Variants in KIF1A observed in about 807,000 individuals in gnomAD.
KIF1A encodes the protein kinesin-like protein KIF1A.
Under a neutral mutation model 227.3 loss-of-function variants are expected in KIF1A, and 46 were observed. The ratio of observed to expected loss-of-function variants is 0.20; its 90% CI spans 0.16 to 0.26. The LOEUF (loss-of-function observed/expected upper bound fraction) is 0.26. Ranked by LOEUF, KIF1A falls within the 10% of genes least tolerant of loss-of-function variation. The probability of loss-of-function intolerance (pLI) is 1.00; values close to 1 mark genes in which losing one functional copy is unlikely to be tolerated. For synonymous variants in KIF1A, 1,022 were observed against 1,012.8 expected (o/e 1.01, Z -0.17); for missense variants, 1,683 against 2,485.9 (o/e 0.68, Z 6.87).
chr2:240,772,912 A>G (rs1004915192), intron 13 of KIF1A, among the ~76,000 whole-genome samples: 1 of 152,088 alleles, frequency 6.6e-6, no homozygotes, highest in African/African-American at 2.4e-5. Context: ...CCGGCCTCCC[A>G]CCCAGAGGCA....
chr2:240,718,859 C>G (rs1252901701), intron 47 of KIF1A, 147 bp downstream of exon 47: 3 of 642,180 alleles, frequency 4.7e-6, no homozygotes, highest in Non-Finnish European at 7.9e-6. Context: ...GAGGCTGAGT[C>G]CCTGAGCCCA....
intron 45 of KIF1A, 171 bp from the exon 46 acceptor site, chr2:240,720,097 G>T: frequency 1.8e-6 from 1 of 550,436 alleles, no homozygotes; most frequent in Non-Finnish European, 2.9e-6. Context: ...CACCAGGATA[G>T]CCAAGCTTGT....
Position 240,725,559 on chromosome 2 carries a change from GTC to G in KIF1A, c.4123-157_4123-156del. 1 of 752,296 alleles carries G rather than the reference GTC, an allele frequency of 1.3e-6. No homozygotes were observed. Among genetic ancestry groups the G allele is most frequent in the Non-Finnish European group, 2.1e-6 (1 of 476,702 alleles). The allele number at this position is 752,296 out of a possible 1,614,324, so 46.6% of individuals were successfully genotyped here. On this transcript the variant is annotated intron_variant, in intron 39 of 48. Transcript: ENST00000498729. The surrounding 1 kb of genome is among the most constrained non-coding windows in gnomAD (Gnocchi z 5.8). ...GTGGCCTGGACGCAGGCAGGAGAAA[GTC>G]TCTGCTCCTGCCCTCGAGAAAACCC...
chr2:240,811,128 G>A (rs1298778463), intron 1 of KIF1A, among the ~76,000 whole-genome samples: 4 of 152,206 alleles, frequency 2.6e-5, no homozygotes, highest in South Asian at 2.1e-4. Flanking sequence ...TTGGGAGGCC[G>A]AGGTGGGCAG....
intron 34 of KIF1A, among the ~76,000 whole-genome samples, chr2:240,742,648 A>G (rs1559492857): frequency 6.6e-6 from 1 of 151,970 alleles, no homozygotes; most frequent in Non-Finnish European, 1.5e-5. Flanking sequence ...CGTTCAGCTG[A>G]GATGCCTGAA....
rs1486875090 is a variant in KIF1A at position 240,766,280 on chromosome 2, C to T, written c.1685-487G>A. ...AGGCCAGAGGCTGGCTGGATGCTGC[C>T]GGGAGATGCCCTTAGCCTGGGCTGT... is the stretch of plus-strand genomic sequence containing the variant. On this transcript the variant is annotated intron_variant, in intron 19 of 48. Coordinates refer to ENST00000498729, the MANE Select transcript of KIF1A (RefSeq NM_001244008.2). The surrounding 1 kb of genome is among the most constrained non-coding windows in gnomAD (Gnocchi z 5.0). 6.6e-6 allele frequency among the ~76,000 whole-genome samples: 1 copy of T among 152,226 alleles called. No homozygotes were observed.
intron 2 of KIF1A, among the ~76,000 whole-genome samples, chr2:240,794,838 T>C (rs1197908635): frequency 2.6e-5 from 4 of 152,282 alleles, no homozygotes; most frequent in African/African-American, 9.6e-5. Flanking sequence ...GCTTTCTTGG[T>C]GCGTCTTCGG....
chr2:240,791,400 C>T (rs1233115756), intron 2 of KIF1A, among the ~76,000 whole-genome samples: 1 of 151,750 alleles, frequency 6.6e-6, no homozygotes, highest in Non-Finnish European at 1.5e-5. Flanking sequence ...CTCACTCCGC[C>T]GCACTCTGGC....
intron 27 of KIF1A, among the ~76,000 whole-genome samples, chr2:240,755,447 G>T (rs745990684): frequency 1.4e-4 from 21 of 152,178 alleles, no homozygotes; most frequent in Non-Finnish European, 2.5e-4. Context: ...ACAAGAGTGG[G>T]TGCCCCAATT....
chr2:240,765,838 T>A, intron 19 of KIF1A, 45 bp from the exon 20 acceptor site: 1 of 1,458,640 alleles, frequency 6.9e-7, no homozygotes. Context: ...TATGAGGGGC[T>A]GTCACCTACA....
In KIF1A at chr2:240,787,231, C is replaced by G. The variant is rs373887823; in HGVS notation, c.429+20G>C. 6.2e-7 allele frequency: 1 copy of G among 1,605,222 alleles called. No individual in the cohort carries two copies. The highest frequency in any genetic ancestry group is 2.2e-5 in the East Asian group (1 of 44,812). The stretch of plus-strand genomic sequence containing the variant: ...TTCCCAGCCCTGCCCCAGCGGCCAA[C>G]GGCAGGCGGGGAGCCCTACCTCCAC... On this transcript the variant is annotated intron_variant, in intron 5 of 48. Transcript: ENST00000498729.
chr2:240,819,319 G>T (rs972097280), intron 1 of KIF1A, among the ~76,000 whole-genome samples: 1 of 152,184 alleles, frequency 6.6e-6, no homozygotes, highest in Non-Finnish European at 1.5e-5. Flanking sequence ...CTGCGGCCCC[G>T]CAGCCCCTCC....
At chr2:240,783,170 G>A in intron 8 of KIF1A, 61 bp from the exon 9 acceptor site, 1 of 1,302,592 alleles carries the variant, frequency 7.7e-7, no homozygotes, top group Non-Finnish European at 1.1e-6. Flanking sequence ...TCCTGCTCTG[G>A]AGGGATGCCC....
At chr2:240,786,658 G>GA in intron 5 of KIF1A, 145 bp from the exon 6 acceptor site, 1 of 668,894 alleles carries the variant, frequency 1.5e-6, no homozygotes, top group African/African-American at 1.9e-5. Flanking sequence ...CCCTGAGTGA[G>GA]GGGGTGGGGG....
chr2:240,799,448 T>C (rs971867112), intron 1 of KIF1A, among the ~76,000 whole-genome samples: 1 of 152,144 alleles, frequency 6.6e-6, no homozygotes, highest in African/African-American at 2.4e-5. Flanking sequence ...TATGGCTAAG[T>C]GGGGACAAGT....
In KIF1A at chr2:240,717,255, C is replaced by G. The variant is rs562109203; in HGVS notation, c.*109G>C. 9.0e-7 allele frequency: 1 copy of G among 1,107,762 alleles called. No homozygotes were observed. Among genetic ancestry groups the G allele is most frequent in the Non-Finnish European group, 1.3e-6 (1 of 750,206 alleles). 68.6% of individuals were successfully genotyped at this position (1,107,762 alleles called of 1,614,324 possible). On this transcript the variant is annotated 3_prime_UTR_variant, in exon 49 of 49. Transcript: ENST00000498729. ...ATGGGCGTCCCCTGGGGGGTCGACC[C>G]GGTCGTGGGCTGTCTGGCAGGAGAG...
chr2:240,785,868 T>A (rs1353040436), intron 6 of KIF1A, among the ~76,000 whole-genome samples: 1 of 152,080 alleles, frequency 6.6e-6, no homozygotes, highest in African/African-American at 2.4e-5. Context: ...AGGGAGTCTG[T>A]TGCCATGACA....
intron 33 of KIF1A, 105 bp from the exon 34 acceptor site, chr2:240,743,089 C>T (rs1368834200): frequency 1.0e-5 from 9 of 865,324 alleles, no homozygotes; most frequent in African/African-American, 1.7e-5. Context: ...CGGCCCCTCC[C>T]ACCCTCTCTT....
intron 1 of KIF1A, among the ~76,000 whole-genome samples, chr2:240,808,287 G>C (rs1415297494): frequency 6.6e-6 from 1 of 152,244 alleles, no homozygotes; most frequent in South Asian, 2.1e-4. Context: ...AATTAGGAAG[G>C]TTCAATAAGG....
Sources: gnomAD v4.1 joint callset for allele counts (sites outside exome capture counted in the v4.1 genomes callset) on GRCh38, gnomAD v4.1.1 for gene constraint, Gnocchi (gnomAD v3.1) non-coding constraint, MANE v1.5 for transcripts, NCBI Gene and HGNC (gene_info 2026-07-23, HGNC 2026-07-21) for gene names.